Variants in MPV17 observed in about 807,000 individuals in gnomAD.
MPV17 encodes the protein mitochondrial inner membrane protein MPV17.
MPV17 carries 31 observed loss-of-function variants against 28.6 expected under a neutral mutation model. That is an observed-to-expected ratio of 1.08 (90% CI 0.81 to 1.46). The LOEUF is 1.46. MPV17 is among the 40% of genes most tolerant of loss of function. The pLI, the probability that MPV17 is intolerant of heterozygous loss-of-function variation, is 0.00. For missense variants in MPV17, 198 were observed against 216.2 expected (o/e 0.92, Z 0.53); for synonymous variants, 87 against 85.3 (o/e 1.02, Z -0.11).
chr2:27,318,741 G>A (rs1181566759), intron 2 of MPV17, among the ~76,000 whole-genome samples: 2 of 151,756 alleles, frequency 1.3e-5, no homozygotes, highest in African/African-American at 4.8e-5. Context: ...CATCCAGACA[G>A]TCCTAAAGAG....
At chr2:27,312,900 G>T in intron 3 of MPV17, 94 bp downstream of exon 3, 1 of 1,542,272 alleles carries the variant, frequency 6.5e-7, no homozygotes, top group Non-Finnish European at 9.0e-7. Flanking sequence ...GCGGCAGGTT[G>T]GCTTAGGTGT....
chr2:27,321,483 A>G (rs1303196203), intron 2 of MPV17, among the ~76,000 whole-genome samples: 1 of 152,128 alleles, frequency 6.6e-6, no homozygotes, highest in Admixed American at 6.6e-5. Context: ...ATCCCTTCCA[A>G]TAGTCCTCTT....
chr2:27,312,188 C>T, intron 6 of MPV17, 26 bp downstream of exon 6: 1 of 1,612,132 alleles, frequency 6.2e-7, no homozygotes, highest in South Asian at 1.1e-5. Context: ...AGCAGGAGAA[C>T]AAGCAGTTGA....
At position 27,323,035 on chromosome 2, in the gene MPV17, G is replaced by A. The variant is rs1306054499; in HGVS notation, c.-6+17C>T. ...GCGACGCTTTAAGCCAGAGACCGCA[G>A]ATCACCCGCCACTCACCTGAGCGCC... On this transcript the variant is annotated intron_variant, in intron 1 of 7. Transcript: ENST00000380044. 1.2e-5 allele frequency: 2 copies of A among 163,898 alleles called. No homozygotes were observed. The highest frequency in any genetic ancestry group is 2.7e-5 in the Non-Finnish European group (2 of 73,802). The allele number at this position is 163,898 out of a possible 1,614,324, so 10.2% of individuals were successfully genotyped here.
At chr2:27,319,008 G>A (rs1679759711) in intron 2 of MPV17, among the ~76,000 whole-genome samples, 1 of 151,750 alleles carries the variant, frequency 6.6e-6, no homozygotes, top group South Asian at 2.1e-4. Flanking sequence ...CAGGTGATCC[G>A]CCCACCTCAG....
chr2:27,312,656 T>TCCCCA, intron 4 of MPV17, 24 bp downstream of exon 4: 1 of 1,613,542 alleles, frequency 6.2e-7, no homozygotes, highest in Non-Finnish European at 8.5e-7. Flanking sequence ...CAGCTCACCC[T>TCCCCA]CCCCACTCTG....
intron 1 of MPV17, 24 bp downstream of exon 1, chr2:27,323,027 AG>A (rs1370299636): frequency 4.2e-5 from 7 of 166,144 alleles, no homozygotes; most frequent in African/African-American, 1.7e-4. Flanking sequence ...TTTAAGCCAG[AG>A]ACCGCAGATC....
chr2:27,322,474 G>C lies in MPV17; in HGVS notation c.44C>G (p.Pro15Arg). 1 of 1,614,126 alleles carries C rather than the reference G, an allele frequency of 6.2e-7. No individual in the cohort carries two copies. Among genetic ancestry groups the C allele is most frequent in the Non-Finnish European group, 8.5e-7 (1 of 1,180,018 alleles). The change falls in exon 2 of 8, where the codon CCG becomes CGG. Residue 15 changes from proline to arginine, a missense_variant. By Grantham distance (103) the Pro-to-Arg change is moderately radical. Transcript: ENST00000380044. ...RAYQRALAAH[P>R]WKVQVLTAGS... ...AGCTGTCAGGACCTGTACTTTCCAC[G>C]GGTGAGCGGCCAGGGCCCGCTGGTA...
At chr2:27,311,309 C>A (rs1381034155) in intron 7 of MPV17, 1 of 420,298 alleles carries the variant, frequency 2.4e-6, no homozygotes, top group Non-Finnish European at 4.4e-6. Context: ...AAACCTCTTG[C>A]CTCAGCCTCC....
At chr2:27,322,960 T>A in intron 1 of MPV17, 92 bp downstream of exon 1, 1 of 251,096 alleles carries the variant, frequency 4.0e-6, no homozygotes, top group Non-Finnish European at 8.0e-6. Flanking sequence ...ATAGGGCCCG[T>A]CACTGCCCGG....
At chr2:27,318,402 G>C (rs1224232842) in intron 2 of MPV17, among the ~76,000 whole-genome samples, 1 of 151,630 alleles carries the variant, frequency 6.6e-6, no homozygotes, top group Non-Finnish European at 1.5e-5. Context: ...CTGTCGTCCA[G>C]GCTGGAGTGC....
At position 27,317,104 on chromosome 2, in the gene MPV17, A is replaced by C. The variant is rs879119740; in HGVS notation, c.71-3995T>G. 1 of 1,549,354 alleles carries C rather than the reference A, an allele frequency of 6.5e-7. No individual in the cohort carries two copies. The highest frequency in any genetic ancestry group is 8.7e-7 in the Non-Finnish European group (1 of 1,146,742). ...TTTGTGGCTTTTGAGTTTCATGCGC[A>C]GAAGGCAGAGGGGCAAGAAGTGGCT... is the stretch of plus-strand genomic sequence containing the variant. On this transcript the variant is annotated intron_variant, in intron 2 of 7. Coordinates refer to ENST00000380044, the MANE Select transcript of MPV17 (RefSeq NM_002437.5). This position sits in a 1 kb window ranked among gnomAD's most constrained non-coding sequence, Gnocchi z 4.0.
chr2:27,318,954 G>A (rs374501232), intron 2 of MPV17, among the ~76,000 whole-genome samples: 1 of 151,526 alleles, frequency 6.6e-6, no homozygotes, highest in Non-Finnish European at 1.5e-5. Context: ...TAGTGGAGAC[G>A]GGGTTTCACC....
chr2:27,313,912 A>G (rs1210046594), intron 2 of MPV17, among the ~76,000 whole-genome samples: 1 of 152,140 alleles, frequency 6.6e-6, no homozygotes, highest in African/African-American at 2.4e-5. Context: ...GGGTTTTGCC[A>G]TGTTAGCCAG....
At chr2:27,316,934 C>T in intron 2 of MPV17, 1 of 755,494 alleles carries the variant, frequency 1.3e-6, no homozygotes, top group East Asian at 2.8e-5. Context: ...GATCCAGCGG[C>T]CAGGGGGAAG....
At position 27,317,582 on chromosome 2, in the gene MPV17, TC is replaced by T. The variant is rs1340946269; in HGVS notation, c.71-4474del. 6.6e-6 allele frequency among the ~76,000 whole-genome samples: 1 copy of T among 152,168 alleles called. No homozygotes were observed. Among genetic ancestry groups the T allele is most frequent in the Non-Finnish European group, 1.5e-5 (1 of 68,032 alleles). On this transcript the variant is annotated intron_variant, in intron 2 of 7. Transcript: ENST00000380044. This position sits in a 1 kb window ranked among gnomAD's most constrained non-coding sequence, Gnocchi z 4.0. ...TGACACTCCCACTCCTGCCTCAGTT[TC>T]CTTCTCTGCAGTCTCCTGGGCTGGA...
intron 5 of MPV17, 32 bp from the exon 6 acceptor site, chr2:27,312,278 T>C (rs184194542): frequency 1.2e-6 from 2 of 1,612,760 alleles, no homozygotes. Flanking sequence ...AAATTAACAC[T>C]TGCGCCTCCA....
chr2:27,312,337 A>G lies in MPV17; in HGVS notation c.376-91T>C, dbSNP rs191656934. On this transcript the variant is annotated intron_variant, in intron 5 of 7. Coordinates refer to ENST00000380044, the MANE Select transcript of MPV17 (RefSeq NM_002437.5). ...AATGTCACACACAGACTTGGGTTCA[A>G]AGAGCACATTCCTGCACCATAACCC... 878 of 1,486,156 alleles carry G rather than the reference A, an allele frequency of 5.9e-4. 2 individuals are homozygous for G. The highest frequency in any genetic ancestry group is 7.7e-4 in the Non-Finnish European group (819 of 1,063,946). 92.1% of individuals were successfully genotyped at this position (1,486,156 alleles called of 1,614,324 possible). A position where few individuals can be genotyped will look rare whatever the true frequency, so the allele number is the denominator to read the frequency against.
At position 27,311,887 on chromosome 2, in the gene MPV17, G is replaced by C; in HGVS notation, c.461+12C>G. The C allele has an allele frequency of 6.2e-7, 1 of 1,613,352 alleles. No homozygotes were observed. Among genetic ancestry groups the C allele is most frequent in the Non-Finnish European group, 8.5e-7 (1 of 1,179,748 alleles). On this transcript the variant is annotated intron_variant, in intron 7 of 7. Transcript: ENST00000380044. ...GGTCTTCCTTGATGGGTGGGGTAGG[G>C]GTGCAACATACCTGTAATGAAGGGG...
Sources: gnomAD v4.1 joint callset for allele counts (sites outside exome capture counted in the v4.1 genomes callset) on GRCh38, gnomAD v4.1.1 for gene constraint, Gnocchi (gnomAD v3.1) non-coding constraint, MANE v1.5 for transcripts, NCBI Gene and HGNC (gene_info 2026-07-23, HGNC 2026-07-21) for gene names.